GNAS: variants seen among roughly 807,000 people sequenced by gnomAD.
The protein encoded by GNAS is protein ALEX.
A neutral mutation model predicts 54.5 loss-of-function variants in GNAS; 8 were observed. The observed-to-expected ratio is 0.15, with a 90% confidence interval of 0.09 to 0.26. The LOEUF is 0.26. Among genes scored for constraint, GNAS ranks in the 10% least tolerant of loss-of-function variants. GNAS has a pLI of 1.00. For synonymous variants in GNAS, 204 were observed against 191.4 expected, an observed-to-expected ratio of 1.07 and a Z score of -0.54; for missense variants, 170 against 529.8, an observed-to-expected ratio of 0.32 and a Z score of 6.67.
intron 1 of GNAS, chr20:58,855,939 CA>C: frequency 2.6e-6 from 1 of 379,660 alleles, no homozygotes; most frequent in East Asian, 4.3e-5. Flanking sequence ...ATGGCCCGGG[CA>C]AAAAACTTTC....
chr20:58,871,381 G>A (rs148567123), intron 1 of GNAS, among the ~76,000 whole-genome samples: 15 of 152,198 alleles, frequency 9.9e-5, no homozygotes, highest in African/African-American at 2.6e-4. Context: ...TTGGGAGGCC[G>A]AGGTGGGCAG....
At chr20:58,906,564 C>CTCTG (rs1360658443) in intron 6 of GNAS, among the ~76,000 whole-genome samples, 1 of 152,216 alleles carries the variant, frequency 6.6e-6, no homozygotes, top group African/African-American at 2.4e-5. Flanking sequence ...CGGAGTCTCA[C>CTCTG]TCTGTCACCC....
chr20:58,898,561 AT>A (rs530965671), intron 2 of GNAS: 148 of 266,262 alleles, frequency 5.6e-4, no homozygotes, highest in African/African-American at 2.8e-3. Flanking sequence ...ACCTGGGAGA[AT>A]TAGGAGCCTT....
intron 1 of GNAS, among the ~76,000 whole-genome samples, chr20:58,862,948 T>C (rs2086853734): frequency 1.3e-5 from 2 of 148,354 alleles, no homozygotes; most frequent in African/African-American, 5.0e-5. Flanking sequence ...GATTGTTCTA[T>C]GGTTATTACA....
rs184185535 is a variant in GNAS, at chr20:58,903,490, T to C, written c.258-41T>C. ...ATGAAAGCAGTACTCCTAACTGACA[T>C]GGTGCAATATGATTTTCTTTTCTTT... On this transcript the variant is annotated intron_variant, in intron 3 of 12. Transcript: ENST00000371085. 153 of 1,514,978 alleles carry C rather than the reference T, an allele frequency of 1.0e-4. 2 individuals carry two copies. Among genetic ancestry groups the C allele is most frequent in the Middle Eastern group, 6.8e-4 (4 of 5,872 alleles). 93.8% of individuals were successfully genotyped at this position (1,514,978 alleles called of 1,614,324 possible).
intron 1 of GNAS, among the ~76,000 whole-genome samples, chr20:58,864,631 T>C (rs1402382228): frequency 2.0e-5 from 3 of 151,982 alleles, no homozygotes; most frequent in Non-Finnish European, 4.4e-5. Context: ...TCTGTGAAAA[T>C]GAGAGGGATG....
intron 1 of GNAS, among the ~76,000 whole-genome samples, chr20:58,879,954 C>T (rs1053127196): frequency 2.0e-5 from 3 of 152,110 alleles, no homozygotes; most frequent in African/African-American, 7.2e-5. Flanking sequence ...GAAAAAATTT[C>T]CATGATTCTG....
intron 2 of GNAS, among the ~76,000 whole-genome samples, chr20:58,896,575 A>G (rs142993710): frequency 9.6e-4 from 146 of 152,178 alleles, no homozygotes; most frequent in African/African-American, 3.4e-3. Context: ...TTTCTCCCCA[A>G]GACCCCAGAT....
intron 6 of GNAS, among the ~76,000 whole-genome samples, chr20:58,906,555 G>A (rs887655090): frequency 9.9e-5 from 15 of 151,924 alleles, no homozygotes; most frequent in Admixed American, 2.6e-4. Context: ...TTTTTGAAAC[G>A]GAGTCTCACT....
At chr20:58,891,413 G>A (rs1260758143), upstream of GNAS, 2 of 326,198 alleles carry the variant, frequency 6.1e-6, no homozygotes, top group Non-Finnish European at 8.7e-6. Flanking sequence ...GGCGGCGGCA[G>A]CGGCGGCAGC....
At chr20:58,874,782 C>A (rs1212813305) in intron 1 of GNAS, among the ~76,000 whole-genome samples, 3 of 152,152 alleles carry the variant, frequency 2.0e-5, no homozygotes, top group African/African-American at 7.2e-5. Flanking sequence ...AGTCCTCCAT[C>A]TTAGATCCTG....
chr20:58,852,098 C>T (rs963518051), intron 1 of GNAS, among the ~76,000 whole-genome samples: 1 of 152,086 alleles, frequency 6.6e-6, no homozygotes, highest in African/African-American at 2.4e-5. Flanking sequence ...GCACGCCCCC[C>T]ACCCCTCTCT....
chr20:58,902,463 A>G (rs1294201850), intron 3 of GNAS, among the ~76,000 whole-genome samples: 1 of 152,118 alleles, frequency 6.6e-6, no homozygotes, highest in East Asian at 1.9e-4. Context: ...TACCTGTGGG[A>G]CCAGTGACCC....
At chr20:58,890,490 C>G (rs912791702), upstream of GNAS, among the ~76,000 whole-genome samples, 1 of 152,038 alleles carries the variant, frequency 6.6e-6, no homozygotes, top group Non-Finnish European at 1.5e-5. Flanking sequence ...CGTGGTGTTC[C>G]TGGTCTTCTC....
intron 3 of GNAS, chr20:58,899,805 T>G (rs1327358938): frequency 3.3e-5 from 21 of 645,674 alleles, no homozygotes; most frequent in Non-Finnish European, 5.9e-5. Context: ...GGAGTGGCTA[T>G]TTCTCATGAG....
intron 1 of GNAS, chr20:58,876,925 A>AAC (rs1171728166): frequency 1.6e-4 from 25 of 152,482 alleles, no homozygotes; most frequent in Admixed American, 1.6e-3. Flanking sequence ...ACCAGCTCAA[A>AAC]ACATTGATTT....
Position 58,895,691 on chromosome 20 carries a change from G to A in GNAS, c.212+7G>A. 3 of 1,507,374 alleles carry A rather than the reference G, an allele frequency of 2.0e-6. No individual in the cohort carries two copies. Among genetic ancestry groups the A allele is most frequent in the Non-Finnish European group, 2.8e-6 (3 of 1,082,160 alleles). 93.4% of individuals were successfully genotyped at this position (1,507,374 alleles called of 1,614,324 possible). A position where few individuals can be genotyped will look rare whatever the true frequency, so the allele number is the denominator to read the frequency against. ...TTAATGGGTTTAATGGAGAGTAAGT[G>A]TCAAATCTGTGCAGGGGGGCACCAA... On this transcript the variant is annotated splice_region_variant and intron_variant, in intron 2 of 12. Coordinates refer to ENST00000371085, the MANE Select transcript of GNAS (RefSeq NM_000516.7).
At chr20:58,881,402 C>T (rs887752344) in intron 1 of GNAS, among the ~76,000 whole-genome samples, 39 of 152,162 alleles carry the variant, frequency 2.6e-4, no homozygotes, top group African/African-American at 9.2e-4. Context: ...GATCCAGGGC[C>T]TTTGCTACCA....
At chr20:58,890,952 C>T (rs2089172695), upstream of GNAS, among the ~76,000 whole-genome samples, 1 of 151,540 alleles carries the variant, frequency 6.6e-6, no homozygotes, top group African/African-American at 2.4e-5. Context: ...CGCGCGCTCC[C>T]TCCCCTTCCG....
Sources: gnomAD v4.1 joint callset for allele counts (sites outside exome capture counted in the v4.1 genomes callset) on GRCh38, gnomAD v4.1.1 for gene constraint, MANE v1.5 for transcripts, NCBI Gene and HGNC (gene_info 2026-07-23, HGNC 2026-07-21) for gene names.